The following SLC39A10 variants were observed in gnomAD, a reference collection of about 807,000 sequenced individuals.
The protein encoded by SLC39A10 is solute carrier family 39 member 10.
SLC39A10 carries 13 observed loss-of-function variants against 65.1 expected under a neutral mutation model. That is an observed-to-expected ratio of 0.20 (90% CI 0.13 to 0.32). The LOEUF (loss-of-function observed/expected upper bound fraction) is 0.32. Ranked by LOEUF, SLC39A10 falls within the 10% of genes least tolerant of loss-of-function variation. The pLI is 1.00. For synonymous variants in SLC39A10, 321 were observed against 342.2 expected (o/e 0.94, Z 0.68); for missense variants, 831 against 1,018.4 (o/e 0.82, Z 2.50).
At chr2:195,622,383 TAAAAG>T (rs1688368027) in intron 2 of SLC39A10, among the ~76,000 whole-genome samples, 1 of 151,452 alleles carries the variant, frequency 6.6e-6, no homozygotes, top group Non-Finnish European at 1.5e-5. Flanking sequence ...AATAAATAAA[TAAAAG>T]AGAGAGAAGA....
chr2:195,640,707 G>C (rs1688796400), intron 2 of SLC39A10, among the ~76,000 whole-genome samples: 1 of 152,096 alleles, frequency 6.6e-6, no homozygotes, highest in Non-Finnish European at 1.5e-5. Flanking sequence ...TTCTCACAGT[G>C]AATGTCTTCT....
rs772312155 is a variant in SLC39A10 at position 195,680,557 on chromosome 2, A to G, written c.515A>G (p.His172Arg). 4 of 1,614,196 alleles carry G rather than the reference A, an allele frequency of 2.5e-6. No homozygotes were observed. The highest frequency in any genetic ancestry group is 2.2e-5 in the South Asian group (2 of 91,076). Residue 172 changes from histidine to arginine, a missense_variant, in exon 2 of 10, where the codon CAT (histidine) becomes CGT (arginine). Coordinates refer to ENST00000359634, the MANE Select transcript of SLC39A10 (RefSeq NM_020342.3). The stretch of plus-strand genomic sequence containing the variant: ...GTAAAATCTGATGATAAACATATGC[A>G]TGACCATAATCACCGCCTACGTCAT... Reference protein sequence around the residue: ...VSVKSDDKHMHDHNHRLRHHH... With the variant: ...VSVKSDDKHMRDHNHRLRHHH...
At chr2:195,696,950 T>C (rs1202415023) in intron 3 of SLC39A10, among the ~76,000 whole-genome samples, 2 of 152,168 alleles carry the variant, frequency 1.3e-5, no homozygotes, top group African/African-American at 2.4e-5. Context: ...ATCAAGTGCC[T>C]GTGTGGAATC....
chr2:195,696,227 A>G lies in SLC39A10; in HGVS notation c.1217-10389A>G, dbSNP rs143680007. On this transcript the variant is annotated intron_variant, in intron 3 of 9. Coordinates refer to ENST00000359634, the MANE Select transcript of SLC39A10 (RefSeq NM_020342.3). Reference sequence around the variant, plus strand: ...TAAAATCAGGAAGTGTGAGTCCTCCAGTTCTGTTTTTGTTTTTCAAGTTTA... The same window carrying G: ...TAAAATCAGGAAGTGTGAGTCCTCCGGTTCTGTTTTTGTTTTTCAAGTTTA... Among the ~76,000 whole-genome samples the G allele has an allele frequency of 5.7e-3, 864 of 151,266 alleles. 8 individuals are homozygous for G. Among genetic ancestry groups the G allele is most frequent in the African/African-American group, 0.02 (833 of 41,138 alleles).
intron 3 of SLC39A10, among the ~76,000 whole-genome samples, chr2:195,697,795 G>A (rs567957839): frequency 9.3e-4 from 141 of 152,180 alleles, no homozygotes; most frequent in Non-Finnish European, 6.2e-4. Context: ...AAAGACATAC[G>A]TGCAGCCAAC....
intron 5 of SLC39A10, among the ~76,000 whole-genome samples, chr2:195,711,849 A>G (rs928773062): frequency 3.3e-5 from 5 of 152,108 alleles, no homozygotes; most frequent in Non-Finnish European, 5.9e-5. Context: ...CTTTTGTACT[A>G]TTGTTGGCTC....
At chr2:195,713,292 T>A (rs1691662132) in intron 5 of SLC39A10, 141 bp from the exon 6 acceptor site, 4 of 646,464 alleles carry the variant, frequency 6.2e-6, no homozygotes, top group Non-Finnish European at 9.3e-6. Context: ...TCCCAAGAAT[T>A]TTTTTTCACG....
chr2:195,679,690 G>A (rs1002802560), intron 1 of SLC39A10, among the ~76,000 whole-genome samples: 5 of 152,078 alleles, frequency 3.3e-5, no homozygotes, highest in African/African-American at 9.7e-5. Context: ...TCTTTGGTTA[G>A]ATACATTCCT....
intron 2 of SLC39A10, among the ~76,000 whole-genome samples, chr2:195,651,106 G>A (rs1344822739): frequency 6.6e-6 from 1 of 151,598 alleles, no homozygotes; most frequent in Non-Finnish European, 1.5e-5. Context: ...TTAGAAAGGA[G>A]TATAAGGGGA....
chr2:195,692,418 C>T (rs1354188553), intron 3 of SLC39A10, among the ~76,000 whole-genome samples: 1 of 151,966 alleles, frequency 6.6e-6, no homozygotes, highest in African/African-American at 2.4e-5. Context: ...TGCATTGAAT[C>T]TGTAGATTGC....
intron 2 of SLC39A10, among the ~76,000 whole-genome samples, chr2:195,648,294 C>A (rs1426854343): frequency 3.3e-5 from 5 of 152,044 alleles, no homozygotes; most frequent in Non-Finnish European, 7.4e-5. Context: ...CTGAACTCGG[C>A]CCTTATCTGG....
At chr2:195,645,436 T>C (rs1688895154) in intron 2 of SLC39A10, among the ~76,000 whole-genome samples, 1 of 152,188 alleles carries the variant, frequency 6.6e-6, no homozygotes, top group South Asian at 2.1e-4. Flanking sequence ...GTTTATAAAA[T>C]CATTTACGTA....
intron 1 of SLC39A10, among the ~76,000 whole-genome samples, chr2:195,678,162 T>G (rs1356047962): frequency 6.6e-6 from 1 of 152,242 alleles, no homozygotes; most frequent in Admixed American, 6.5e-5. Flanking sequence ...TGTAAGTACA[T>G]AGGCTTACAT....
chr2:195,732,141 C>T (rs891862941), intron 9 of SLC39A10, among the ~76,000 whole-genome samples: 1 of 152,076 alleles, frequency 6.6e-6, no homozygotes, highest in Non-Finnish European at 1.5e-5. Context: ...CTGACAGTCG[C>T]ACAACATGCC....
intron 7 of SLC39A10, chr2:195,717,295 T>G: frequency 3.6e-6 from 1 of 278,122 alleles, no homozygotes; most frequent in Non-Finnish European, 6.6e-6. Flanking sequence ...TATTTTCAAA[T>G]GTATTTACAT....
rs1398889059 is a variant in SLC39A10, at chr2:195,736,954, T to G, written c.*1913T>G. On this transcript the variant is annotated 3_prime_UTR_variant, in exon 10 of 10. Transcript: ENST00000359634. ...TTGGGTTTTTATACCCACGGTAGGA[T>G]TCTGCATTCCAGCATTAAATCTGCT... 2 of 152,628 alleles carry G rather than the reference T, an allele frequency of 1.3e-5. No homozygotes were observed. Among genetic ancestry groups the G allele is most frequent in the African/African-American group, 2.4e-5 (1 of 41,460 alleles). 9.5% of individuals were successfully genotyped at this position (152,628 alleles called of 1,614,324 possible).
At chr2:195,696,434 G>A (rs1411277096) in intron 3 of SLC39A10, among the ~76,000 whole-genome samples, 1 of 151,934 alleles carries the variant, frequency 6.6e-6, no homozygotes, top group African/African-American at 2.4e-5. Context: ...ATATCTGTGA[G>A]TTCTGCATGT....
chr2:195,643,882 C>T (rs920093904), intron 2 of SLC39A10, among the ~76,000 whole-genome samples: 5 of 152,254 alleles, frequency 3.3e-5, no homozygotes, highest in African/African-American at 9.6e-5. Flanking sequence ...TACCCAACAT[C>T]ATCCCCATTA....
At position 195,735,805 on chromosome 2, in the gene SLC39A10, A is replaced by ATTTTTTTT. The variant is rs55916294; in HGVS notation, c.*775_*782dup. The ATTTTTTTT allele has an allele frequency of 8.0e-6, 1 of 124,378 alleles. No homozygotes were observed. The allele number at this position is 124,378 out of a possible 1,614,324, so 7.7% of individuals were successfully genotyped here. ...TGTTTTTTACTTTAATTTTGTTTTGATTTTTTTTTTTTTTTTTTGGCGGGG... is the reference window on the plus strand; with the variant it reads ...TGTTTTTTACTTTAATTTTGTTTTGATTTTTTTTTTTTTTTTTTTTTTTTTTGGCGGGG... On this transcript the variant is annotated 3_prime_UTR_variant, in exon 10 of 10. Coordinates refer to ENST00000359634, the MANE Select transcript of SLC39A10 (RefSeq NM_020342.3).
Sources: allele counts gnomAD v4.1 joint callset (sites outside exome capture counted in the v4.1 genomes callset), GRCh38; gene constraint gnomAD v4.1.1; transcripts MANE v1.5; gene names NCBI Gene and HGNC (gene_info 2026-07-23, HGNC 2026-07-21).